TMEM178A: variants seen among roughly 807,000 people sequenced by gnomAD.
TMEM178A encodes transmembrane protein 178A, also known as transmembrane protein 178.
TMEM178A carries 12 observed loss-of-function variants against 29.1 expected under a neutral mutation model. The ratio of observed to expected loss-of-function variants is 0.41; its 90% CI spans 0.26 to 0.67. The LOEUF (loss-of-function observed/expected upper bound fraction) is 0.67. Ranked by LOEUF, TMEM178A falls within the 30% of genes least tolerant of loss-of-function variation. The pLI, the probability that TMEM178A is intolerant of heterozygous loss-of-function variation, is 0.29. For missense variants in TMEM178A, 366 were observed against 419.1 expected, an observed-to-expected ratio of 0.87 and a Z score of 1.11; for synonymous variants, 210 against 187.2, an observed-to-expected ratio of 1.12 and a Z score of -0.99.
intron 2 of TMEM178A, 78 bp from the exon 3 acceptor site, chr2:39,706,971 T>C: frequency 6.6e-7 from 1 of 1,516,324 alleles, no homozygotes; most frequent in Admixed American, 2.1e-5. Context: ...TCACAATGTA[T>C]ACAAAGCCCT....
chr2:39,694,443 C>G (rs1232985530), intron 1 of TMEM178A, among the ~76,000 whole-genome samples: 1 of 152,106 alleles, frequency 6.6e-6, no homozygotes, highest in Non-Finnish European at 1.5e-5. Flanking sequence ...ATGGCAGAAC[C>G]AGATATAGTA....
chr2:39,714,417 C>G (rs1184930883), intron 3 of TMEM178A, among the ~76,000 whole-genome samples: 1 of 151,836 alleles, frequency 6.6e-6, no homozygotes, highest in African/African-American at 2.4e-5. Flanking sequence ...TAAAGTAAGA[C>G]AAAGGGACAA....
At chr2:39,666,690 CCTT>C (rs1670179669) in intron 1 of TMEM178A, among the ~76,000 whole-genome samples, 1 of 152,204 alleles carries the variant, frequency 6.6e-6, no homozygotes, top group African/African-American at 2.4e-5. Context: ...CTCTCCCCGT[CCTT>C]CTCTGCCTTT....
intron 1 of TMEM178A, among the ~76,000 whole-genome samples, chr2:39,678,393 C>G (rs1181508047): frequency 6.6e-6 from 1 of 152,098 alleles, no homozygotes; most frequent in African/African-American, 2.4e-5. Flanking sequence ...GAACATTATT[C>G]AGCCATAAAA....
At chr2:39,723,060 T>G in the TMEM178A span, among the ~76,000 whole-genome samples, 14 of 152,346 alleles carry the variant, frequency 9.2e-5, no homozygotes, top group East Asian at 2.7e-3. Flanking sequence ...CTCCCTTGAC[T>G]TGCTCCCAGA....
chr2:39,722,501 T>C (rs1003451592), downstream of TMEM178A, among the ~76,000 whole-genome samples: 6 of 152,172 alleles, frequency 3.9e-5, no homozygotes, highest in East Asian at 3.9e-4. Flanking sequence ...TGATTTCCAG[T>C]TGTTTTCCAG....
At chr2:39,681,076 C>G (rs1404022494) in intron 1 of TMEM178A, among the ~76,000 whole-genome samples, 1 of 152,092 alleles carries the variant, frequency 6.6e-6, no homozygotes, top group Non-Finnish European at 1.5e-5. Flanking sequence ...ATTCAAAGCC[C>G]TACTCAAGAA....
chr2:39,668,061 C>G (rs754940810), intron 1 of TMEM178A, among the ~76,000 whole-genome samples: 3 of 152,312 alleles, frequency 2.0e-5, no homozygotes, highest in Non-Finnish European at 2.9e-5. Context: ...ATGCCTGAAA[C>G]AGCAGGGCAG....
intron 3 of TMEM178A, among the ~76,000 whole-genome samples, chr2:39,712,041 T>TTTTGTG (rs1553350720): frequency 7.2e-6 from 1 of 139,252 alleles, no homozygotes; most frequent in South Asian, 2.5e-4. Flanking sequence ...GAATTGCATT[T>TTTTGTG]TGTGTGTGTG....
At chr2:39,733,796 A>G in the TMEM178A span, among the ~76,000 whole-genome samples, 36 of 152,272 alleles carry the variant, frequency 2.4e-4, no homozygotes, top group African/African-American at 8.7e-4. Context: ...TTTTAGGAGC[A>G]TATTTATCAT....
chr2:39,716,047 T>A (rs187100368), intron 3 of TMEM178A, among the ~76,000 whole-genome samples: 1 of 152,340 alleles, frequency 6.6e-6, no homozygotes, highest in East Asian at 1.9e-4. Context: ...AAATGTTGTC[T>A]CTGTTGTATA....
chr2:39,666,635 G>A (rs1007282564), intron 1 of TMEM178A, among the ~76,000 whole-genome samples: 62 of 152,144 alleles, frequency 4.1e-4, no homozygotes, highest in Admixed American at 5.9e-4. Context: ...TCCCGCCTCT[G>A]TCTCCTTCTT....
At chr2:39,705,407 C>G (rs1177607564) in intron 2 of TMEM178A, among the ~76,000 whole-genome samples, 2 of 152,198 alleles carry the variant, frequency 1.3e-5, no homozygotes, top group Non-Finnish European at 1.5e-5. Context: ...TAGACTATCA[C>G]TCAAACCATA....
intron 3 of TMEM178A, among the ~76,000 whole-genome samples, 189 bp from the exon 4 acceptor site, chr2:39,716,821 G>C (rs1053382984): frequency 2.0e-5 from 3 of 151,922 alleles, no homozygotes. Context: ...CTAGTGTAGG[G>C]TCTGGCACAC....
chr2:39,728,230 T>C, the TMEM178A span, among the ~76,000 whole-genome samples: 707 of 152,334 alleles, frequency 4.6e-3, 4 homozygotes, highest in African/African-American at 0.016. Context: ...ATCTGTTTCC[T>C]GACTTTTTAA....
At chr2:39,665,588 G>A (rs1306609967), upstream of TMEM178A, 1 of 198,342 alleles carries the variant, frequency 5.0e-6, no homozygotes, top group Non-Finnish European at 1.0e-5. Flanking sequence ...GGCGAGGAGA[G>A]ATTAAAAGGG....
At chr2:39,718,074 G>A (rs1404349749), downstream of TMEM178A, 2 of 152,384 alleles carry the variant, frequency 1.3e-5, no homozygotes, top group African/African-American at 2.4e-5. Context: ...CTTAATAATT[G>A]CTTCATTTCA....
At chr2:39,709,271 C>A (rs577408914) in intron 3 of TMEM178A, among the ~76,000 whole-genome samples, 1 of 152,200 alleles carries the variant, frequency 6.6e-6, no homozygotes, top group Non-Finnish European at 1.5e-5. Context: ...CCCACTCACC[C>A]CTATCCCACT....
chr2:39,733,754 T>A, the TMEM178A span, among the ~76,000 whole-genome samples: 4 of 152,322 alleles, frequency 2.6e-5, no homozygotes, highest in South Asian at 6.2e-4. Flanking sequence ...TAAATTGTTA[T>A]TTTTAGTGCA....
Sources: allele counts gnomAD v4.1 joint callset (sites outside exome capture counted in the v4.1 genomes callset), GRCh38; gene constraint gnomAD v4.1.1; transcripts MANE v1.5; gene names NCBI Gene and HGNC (gene_info 2026-07-23, HGNC 2026-07-21).